The following TRAPPC9 variants were observed in gnomAD, a reference collection of about 807,000 sequenced individuals.
TRAPPC9 encodes trafficking protein particle complex subunit 9.
Under a neutral mutation model 124.0 loss-of-function variants are expected in TRAPPC9, and 83 were observed. The ratio of observed to expected loss-of-function variants is 0.67; its 90% CI spans 0.56 to 0.80. The LOEUF (loss-of-function observed/expected upper bound fraction) is 0.80, where lower values mean the gene tolerates loss of function less well. Among genes scored for constraint, TRAPPC9 ranks in the 30% least tolerant of loss-of-function variants. The probability of loss-of-function intolerance (pLI) is 0.00; values close to 1 mark genes in which losing one functional copy is unlikely to be tolerated. For synonymous variants in TRAPPC9, 638 were observed against 617.5 expected (o/e 1.03, Z -0.49); for missense variants, 1,302 against 1,508.3 (o/e 0.86, Z 2.27).
chr8:140,113,529 G>A (rs1489283003), intron 17 of TRAPPC9, among the ~76,000 whole-genome samples: 1 of 152,232 alleles, frequency 6.6e-6, no homozygotes, highest in Non-Finnish European at 1.5e-5. Flanking sequence ...CTTCAGGGTT[G>A]CAGGAGCAGG....
intron 17 of TRAPPC9, among the ~76,000 whole-genome samples, chr8:140,073,245 C>T (rs1341923287): frequency 6.6e-6 from 1 of 152,090 alleles, no homozygotes; most frequent in African/African-American, 2.4e-5. Flanking sequence ...AAAATCATGT[C>T]AACAAAATTA....
intron 11 of TRAPPC9, among the ~76,000 whole-genome samples, chr8:140,297,254 G>C (rs921348443): frequency 6.6e-6 from 1 of 152,160 alleles, no homozygotes; most frequent in Middle Eastern, 3.2e-3. Context: ...AGACAAGATT[G>C]GGGTGTCTTT....
intron 17 of TRAPPC9, among the ~76,000 whole-genome samples, chr8:140,219,984 A>G (rs1166437344): frequency 6.6e-6 from 1 of 152,204 alleles, no homozygotes; most frequent in Non-Finnish European, 1.5e-5. Context: ...ACCTCTAATC[A>G]GACACTGGCT....
chr8:140,298,352 C>T (rs1052827006), intron 11 of TRAPPC9, among the ~76,000 whole-genome samples: 1 of 152,154 alleles, frequency 6.6e-6, no homozygotes, highest in African/African-American at 2.4e-5. Context: ...ATGAGAAATG[C>T]TCATCAAGAC....
chr8:140,018,325 T>TTTTTTCTTTTTTC lies in TRAPPC9; in HGVS notation c.2699+5611_2699+5612insGAAAAAAGAAAAA, dbSNP rs1408228114. Among the ~76,000 whole-genome samples the TTTTTTCTTTTTTC allele has an allele frequency of 3.1e-4, 20 of 64,436 alleles. 1 individual carries two copies. The highest frequency in any genetic ancestry group is 2.6e-3 in the Admixed American group (16 of 6,256). The allele number at this position is 64,436 out of a possible 152,430, so 42.3% of individuals were successfully genotyped here. A position where few individuals can be genotyped will look rare whatever the true frequency, so the allele number is the denominator to read the frequency against. The stretch of plus-strand genomic sequence containing the variant: ...TGCTGGTATATAGAAACGTAAGTGA[T>TTTTTTCTTTTTTC]TTTTTTTTTTTTTTTTGAGACGGAG... On this transcript the variant is annotated intron_variant, in intron 18 of 22. Coordinates refer to ENST00000438773, the MANE Select transcript of TRAPPC9 (RefSeq NM_001160372.4).
intron 19 of TRAPPC9, among the ~76,000 whole-genome samples, chr8:139,961,693 T>C (rs1245357861): frequency 8.1e-6 from 1 of 123,726 alleles, no homozygotes; most frequent in Non-Finnish European, 1.9e-5. Context: ...CAGGGGTGTC[T>C]GCTCCCACTG....
At chr8:140,313,461 G>A (rs765507183) in intron 9 of TRAPPC9, among the ~76,000 whole-genome samples, 8 of 152,212 alleles carry the variant, frequency 5.3e-5, no homozygotes, top group Non-Finnish European at 1.0e-4. Context: ...GAGTAGCACA[G>A]GGGAGGCTGC....
intron 21 of TRAPPC9, among the ~76,000 whole-genome samples, chr8:139,755,190 G>T (rs897803656): frequency 6.6e-6 from 1 of 152,236 alleles, no homozygotes; most frequent in Non-Finnish European, 1.5e-5. Flanking sequence ...CAGGTCCTCG[G>T]ATAACTTGTG....
intron 5 of TRAPPC9, among the ~76,000 whole-genome samples, chr8:140,422,232 C>T (rs1027562861): frequency 6.6e-6 from 1 of 151,944 alleles, no homozygotes; most frequent in Non-Finnish European, 1.5e-5. Context: ...CTCCTAGAAT[C>T]GTGAAGATTA....
At chr8:139,798,901 T>A (rs184427303) in intron 21 of TRAPPC9, among the ~76,000 whole-genome samples, 1 of 152,314 alleles carries the variant, frequency 6.6e-6, no homozygotes, top group East Asian at 1.9e-4. Context: ...GGGGCTGTAC[T>A]TTTTCTGGCG....
chr8:140,395,519 G>A (rs1234680128), intron 7 of TRAPPC9, among the ~76,000 whole-genome samples: 1 of 152,136 alleles, frequency 6.6e-6, no homozygotes, highest in Non-Finnish European at 1.5e-5. Flanking sequence ...TCTTTTTATA[G>A]ACTATGGCTA....
At chr8:139,759,344 A>C (rs1247559679) in intron 21 of TRAPPC9, among the ~76,000 whole-genome samples, 1 of 152,086 alleles carries the variant, frequency 6.6e-6, no homozygotes, top group Non-Finnish European at 1.5e-5. Flanking sequence ...GGCTCTTTAC[A>C]TACATGGTCC....
In TRAPPC9 at chr8:139,731,965, A is replaced by C; in HGVS notation, c.3279+14T>G. Reference sequence around the variant, plus strand: ...GCCAGAGGCTCCCAGACCGCCTTGCACACCACCACGCACCGCGTCGAGGTA... The same window carrying C: ...GCCAGAGGCTCCCAGACCGCCTTGCCCACCACCACGCACCGCGTCGAGGTA... On this transcript the variant is annotated intron_variant, in intron 22 of 22. Coordinates refer to ENST00000438773, the MANE Select transcript of TRAPPC9 (RefSeq NM_001160372.4). 6.4e-7 allele frequency: 1 copy of C among 1,560,698 alleles called. No homozygotes were observed. The highest frequency in any genetic ancestry group is 1.4e-5 in the African/African-American group (1 of 73,736).
At chr8:139,849,729 C>T (rs1332997250) in intron 21 of TRAPPC9, among the ~76,000 whole-genome samples, 2 of 152,166 alleles carry the variant, frequency 1.3e-5, no homozygotes, top group African/African-American at 2.4e-5. Flanking sequence ...CTGCCCTCTG[C>T]CTCACTGAAT....
At chr8:139,868,132 G>C (rs972640994) in intron 21 of TRAPPC9, among the ~76,000 whole-genome samples, 1 of 152,198 alleles carries the variant, frequency 6.6e-6, no homozygotes, top group Non-Finnish European at 1.5e-5. Flanking sequence ...GCCGAGGCAG[G>C]TGGATCGCCA....
chr8:140,404,777 T>C (rs914913363), intron 6 of TRAPPC9, among the ~76,000 whole-genome samples: 6 of 151,944 alleles, frequency 3.9e-5, no homozygotes, highest in Non-Finnish European at 1.5e-5. Flanking sequence ...TGTGCGTGTG[T>C]GAGCATGCTT....
chr8:140,212,188 A>G (rs1475174676), intron 17 of TRAPPC9, among the ~76,000 whole-genome samples: 3 of 152,242 alleles, frequency 2.0e-5, no homozygotes, highest in African/African-American at 7.2e-5. Flanking sequence ...AGGCAAGCGC[A>G]GGCCACCTCT....
intron 21 of TRAPPC9, among the ~76,000 whole-genome samples, chr8:139,844,631 A>G (rs906884409): frequency 3.3e-5 from 5 of 152,226 alleles, no homozygotes; most frequent in African/African-American, 1.2e-4. Context: ...AAAAGGTGGA[A>G]GAGAGGCAGG....
intron 15 of TRAPPC9, among the ~76,000 whole-genome samples, chr8:140,269,518 GTGACAGAGCAAGACTCTGTC>G (rs1168368730): frequency 2.6e-5 from 4 of 151,614 alleles, no homozygotes; most frequent in Admixed American, 2.0e-4. Flanking sequence ...TCCAGCCTGG[GTGACAGAGCAAGACTCTGTC>G]TCAAAAAATA....
Sources: gnomAD v4.1 joint callset for allele counts (sites outside exome capture counted in the v4.1 genomes callset) on GRCh38, gnomAD v4.1.1 for gene constraint, MANE v1.5 for transcripts, NCBI Gene and HGNC (gene_info 2026-07-23, HGNC 2026-07-21) for gene names.